Variants in SOX6 observed in about 807,000 individuals in gnomAD.
The protein encoded by SOX6 is transcription factor SOX-6.
Under a neutral mutation model 97.8 loss-of-function variants are expected in SOX6, and 11 were observed. The ratio of observed to expected loss-of-function variants is 0.11; its 90% CI spans 0.07 to 0.19. The LOEUF (loss-of-function observed/expected upper bound fraction) is 0.19. Among genes scored for constraint, SOX6 ranks in the 10% least tolerant of loss-of-function variants. SOX6 has a pLI of 1.00. For synonymous variants in SOX6, 360 were observed against 371.4 expected (o/e 0.97, Z 0.35); for missense variants, 810 against 1,039.5 (o/e 0.78, Z 3.04).
chr11:16,339,123 C>G (rs955085864), intron 2 of SOX6, among the ~76,000 whole-genome samples: 4 of 152,052 alleles, frequency 2.6e-5, no homozygotes, highest in Non-Finnish European at 5.9e-5. Context: ...CATCTCTCAC[C>G]TAGACTTCTG....
chr11:16,432,766 T>C, intron 1 of SOX6, among the ~76,000 whole-genome samples: 1 of 152,054 alleles, frequency 6.6e-6, no homozygotes, highest in Non-Finnish European at 1.5e-5. Flanking sequence ...TTCAGTTAGT[T>C]AATCCAGTTA....
At chr11:16,537,723 T>A (rs568438468) in intron 4 of SOX6, among the ~76,000 whole-genome samples, 1 of 152,132 alleles carries the variant, frequency 6.6e-6, no homozygotes, top group East Asian at 1.9e-4. Flanking sequence ...AGAAAGCATA[T>A]CAGTGATTGC....
intron 3 of SOX6, among the ~76,000 whole-genome samples, chr11:16,636,116 A>T (rs1029691751): frequency 4.6e-5 from 7 of 152,176 alleles, no homozygotes; most frequent in Non-Finnish European, 7.3e-5. Flanking sequence ...TCAGAATGGT[A>T]AACCCACTGA....
intron 4 of SOX6, among the ~76,000 whole-genome samples, chr11:16,197,666 A>T (rs1222533585): frequency 1.3e-5 from 2 of 152,204 alleles, no homozygotes; most frequent in East Asian, 1.9e-4. Context: ...GTGCTGCCAA[A>T]TATATCTCAT....
chr11:16,404,783 AT>A (rs1198061329), intron 1 of SOX6, among the ~76,000 whole-genome samples: 1 of 151,986 alleles, frequency 6.6e-6, no homozygotes, highest in African/African-American at 2.4e-5. Flanking sequence ...AAATCCCGTT[AT>A]TTTAAATCTG....
chr11:16,253,494 GAC>G (rs1373385917), intron 3 of SOX6, among the ~76,000 whole-genome samples: 1 of 152,054 alleles, frequency 6.6e-6, no homozygotes, highest in African/African-American at 2.4e-5. Context: ...AGAGTATGCA[GAC>G]ACAGGTGCAT....
chr11:16,049,654 C>T, intron 11 of SOX6, 101 bp downstream of exon 11: 16 of 1,368,070 alleles, frequency 1.2e-5, no homozygotes, highest in Non-Finnish European at 1.6e-5. Flanking sequence ...TTATCTTTTA[C>T]TAAGGAGCAC....
At chr11:16,595,192 T>C (rs1848198572) in intron 4 of SOX6, among the ~76,000 whole-genome samples, 1 of 152,164 alleles carries the variant, frequency 6.6e-6, no homozygotes. Flanking sequence ...TTCATCATTT[T>C]TTTTTCATGC....
chr11:16,493,259 G>C (rs1161867556), intron 4 of SOX6, among the ~76,000 whole-genome samples: 1 of 152,130 alleles, frequency 6.6e-6, no homozygotes, highest in Non-Finnish European at 1.5e-5. Flanking sequence ...CAATGAAAAT[G>C]AGCAAATTAC....
intron 4 of SOX6, among the ~76,000 whole-genome samples, chr11:16,586,879 G>A (rs1373027544): frequency 3.3e-5 from 5 of 152,294 alleles, no homozygotes; most frequent in African/African-American, 7.2e-5. Context: ...ACTGAAACTA[G>A]TGCATAGTGC....
chr11:16,427,329 CT>C (rs57515414), intron 1 of SOX6, among the ~76,000 whole-genome samples: 4 of 145,922 alleles, frequency 2.7e-5, no homozygotes, highest in Admixed American at 6.8e-5. Flanking sequence ...ATGCACTTTT[CT>C]TTTTTTTTTT....
chr11:16,186,173 G>A (rs576011766), intron 5 of SOX6, among the ~76,000 whole-genome samples: 5 of 152,182 alleles, frequency 3.3e-5, no homozygotes, highest in East Asian at 1.9e-4. Flanking sequence ...TTTTAGGAAC[G>A]ATGTACTAAT....
chr11:16,546,873 A>T (rs1847627143), intron 4 of SOX6, among the ~76,000 whole-genome samples: 1 of 152,180 alleles, frequency 6.6e-6, no homozygotes, highest in South Asian at 2.1e-4. Context: ...CTGACAAGAG[A>T]CTAACATCCA....
chr11:16,520,943 G>C (rs1358239996), intron 4 of SOX6, among the ~76,000 whole-genome samples: 1 of 152,200 alleles, frequency 6.6e-6, no homozygotes, highest in African/African-American at 2.4e-5. Context: ...CCCCGCCATT[G>C]CCCAGGCTTG....
At chr11:16,091,156 C>T (rs1319940444) in intron 9 of SOX6, among the ~76,000 whole-genome samples, 1 of 152,006 alleles carries the variant, frequency 6.6e-6, no homozygotes. Context: ...CCAAATTCCA[C>T]CACACTCTTA....
intron 4 of SOX6, among the ~76,000 whole-genome samples, chr11:16,194,166 G>A (rs1160780146): frequency 6.6e-6 from 1 of 152,184 alleles, no homozygotes; most frequent in Non-Finnish European, 1.5e-5. Context: ...CAGCTAATTT[G>A]AGTTCTGAAT....
At chr11:16,615,025 A>G (rs1848454503) in intron 3 of SOX6, among the ~76,000 whole-genome samples, 1 of 152,222 alleles carries the variant, frequency 6.6e-6, no homozygotes, top group African/African-American at 2.4e-5. Flanking sequence ...CTTCTCCAAT[A>G]AAAGAAGCAA....
chr11:16,199,300 A>G (rs1851870015), intron 4 of SOX6, among the ~76,000 whole-genome samples: 1 of 152,200 alleles, frequency 6.6e-6, no homozygotes, highest in African/African-American at 2.4e-5. Flanking sequence ...AAAACATTCA[A>G]TAAACACTTT....
intron 2 of SOX6, among the ~76,000 whole-genome samples, chr11:16,724,138 C>A (rs568365559): frequency 3.3e-5 from 5 of 152,232 alleles, no homozygotes; most frequent in Non-Finnish European, 2.9e-5. Flanking sequence ...AGACTGTTGT[C>A]TTGAAAGAGG....
Sources: allele counts gnomAD v4.1 joint callset (sites outside exome capture counted in the v4.1 genomes callset), GRCh38; gene constraint gnomAD v4.1.1; transcripts MANE v1.5; gene names NCBI Gene and HGNC (gene_info 2026-07-23, HGNC 2026-07-21).